Variants in NYAP2 observed in about 807,000 individuals in gnomAD.
NYAP2 encodes neuronal tyrosine-phosphorylated phosphoinositide-3-kinase adapter 2.
NYAP2 carries 23 observed loss-of-function variants against 50.4 expected under a neutral mutation model. The ratio of observed to expected loss-of-function variants is 0.46; its 90% CI spans 0.33 to 0.65. The LOEUF (loss-of-function observed/expected upper bound fraction) is 0.65. Ranked by LOEUF, NYAP2 falls within the 30% of genes least tolerant of loss-of-function variation. The pLI is 0.02. For synonymous variants in NYAP2, 394 were observed against 365.2 expected, an observed-to-expected ratio of 1.08 and a Z score of -0.90; for missense variants, 885 against 861.0, an observed-to-expected ratio of 1.03 and a Z score of -0.35.
At chr2:225,534,121 A>G (rs1237133648) in intron 4 of NYAP2, among the ~76,000 whole-genome samples, 1 of 152,242 alleles carries the variant, frequency 6.6e-6, no homozygotes, top group African/African-American at 2.4e-5. Flanking sequence ...TGGCTAAATC[A>G]ATTTGGAGAT....
intron 4 of NYAP2, among the ~76,000 whole-genome samples, chr2:225,520,848 A>C (rs1345210704): frequency 6.6e-6 from 1 of 152,156 alleles, no homozygotes. Flanking sequence ...TATTGAATCT[A>C]TAAATTACCT....
At chr2:225,472,961 C>T (rs893363513) in intron 3 of NYAP2, among the ~76,000 whole-genome samples, 6 of 152,194 alleles carry the variant, frequency 3.9e-5, no homozygotes, top group Non-Finnish European at 8.8e-5. Context: ...TTCCCCACTC[C>T]GCTTACCCCA....
At chr2:225,492,094 G>T (rs1308661847) in intron 3 of NYAP2, among the ~76,000 whole-genome samples, 1 of 152,124 alleles carries the variant, frequency 6.6e-6, no homozygotes, top group Non-Finnish European at 1.5e-5. Flanking sequence ...AGATCCATGT[G>T]CCCTTTCACA....
chr2:225,544,728 CAG>C (rs1242493886), intron 4 of NYAP2, among the ~76,000 whole-genome samples: 1 of 152,052 alleles, frequency 6.6e-6, no homozygotes, highest in African/African-American at 2.4e-5. Flanking sequence ...ACCACAATTA[CAG>C]AGTTATAATA....
In NYAP2 at chr2:225,515,876, A is replaced by G. The variant is rs547639472; in HGVS notation, c.523+2204A>G. On this transcript the variant is annotated intron_variant, in intron 4 of 6. Transcript: ENST00000636099. ...ATGGGGGGCCTGAATGCAGTCAGGA[A>G]TAATTCAAGAATAAAGGGGAATAAA... Among the ~76,000 whole-genome samples, 11 of 152,320 alleles carry G rather than the reference A, an allele frequency of 7.2e-5. No homozygotes were observed. In the East Asian group the frequency reaches 2.1e-3, roughly 29 times the overall value.
chr2:225,683,296 G>A, the NYAP2 span, among the ~76,000 whole-genome samples: 1 of 152,036 alleles, frequency 6.6e-6, no homozygotes, highest in African/African-American at 2.4e-5. Flanking sequence ...TGAAAGCTTG[G>A]TGCTGAGAGA....
chr2:225,418,532 A>C (rs979388157), intron 3 of NYAP2, among the ~76,000 whole-genome samples: 2 of 152,162 alleles, frequency 1.3e-5, no homozygotes, highest in African/African-American at 4.8e-5. Context: ...GAATTGACAG[A>C]ATTTGGTGAC....
At chr2:225,667,499 G>A in the NYAP2 span, among the ~76,000 whole-genome samples, 4 of 152,090 alleles carry the variant, frequency 2.6e-5, no homozygotes, top group Admixed American at 6.6e-5. Context: ...TAATGCTCTG[G>A]GAGAATTAGG....
chr2:225,477,513 G>A (rs903716234), intron 3 of NYAP2, among the ~76,000 whole-genome samples: 5 of 152,062 alleles, frequency 3.3e-5, no homozygotes, highest in Non-Finnish European at 5.9e-5. Flanking sequence ...TGGGATTACA[G>A]GTGTGAGCCA....
intron 5 of NYAP2, among the ~76,000 whole-genome samples, chr2:225,624,092 T>C (rs894319095): frequency 6.6e-6 from 1 of 152,248 alleles, no homozygotes; most frequent in Non-Finnish European, 1.5e-5. Flanking sequence ...GAGAAAAGTA[T>C]ATAAAGAAAA....
intron 4 of NYAP2, among the ~76,000 whole-genome samples, chr2:225,516,063 G>C (rs534833712): frequency 5.9e-5 from 9 of 152,156 alleles, no homozygotes; most frequent in Non-Finnish European, 1.5e-5. Flanking sequence ...TGGAGGGGGA[G>C]CTGGGCTACT....
At chr2:225,472,173 C>A (rs17410253) in intron 3 of NYAP2, among the ~76,000 whole-genome samples, 49,761 of 152,060 alleles carry the variant, frequency 0.33, 10,075 homozygotes, top group Non-Finnish European at 0.45. Context: ...GAATCTGGCT[C>A]GCACGACTCA....
intron 3 of NYAP2, among the ~76,000 whole-genome samples, chr2:225,444,788 A>G (rs1212231083): frequency 6.6e-6 from 1 of 152,228 alleles, no homozygotes; most frequent in East Asian, 1.9e-4. Context: ...ACTTAGAAAC[A>G]AAAACATTTC....
At position 225,583,049 on chromosome 2, in the gene NYAP2, G is replaced by A. The variant is rs1275136041; in HGVS notation, c.1618+14G>A. The A allele has an allele frequency of 6.2e-7, 1 of 1,602,388 alleles. No individual in the cohort carries two copies. Among genetic ancestry groups the A allele is most frequent in the Non-Finnish European group, 8.5e-7 (1 of 1,174,334 alleles). On this transcript the variant is annotated intron_variant, in intron 5 of 6. Transcript: ENST00000636099. ...AGCCTGCAGAGAGTAAGTGTGCAGG[G>A]CCTGCCTGAGCCCCAGAGCCCAGTG...
At chr2:225,538,378 G>T (rs912304648) in intron 4 of NYAP2, among the ~76,000 whole-genome samples, 1 of 152,190 alleles carries the variant, frequency 6.6e-6, no homozygotes, top group Admixed American at 6.5e-5. Flanking sequence ...AAACTAGGTG[G>T]GGGTTCCCAA....
intron 5 of NYAP2, among the ~76,000 whole-genome samples, chr2:225,586,888 G>C (rs1420719570): frequency 6.6e-6 from 1 of 152,150 alleles, no homozygotes; most frequent in Non-Finnish European, 1.5e-5. Context: ...AACTACTCGA[G>C]ATTGGATGAT....
chr2:225,691,674 A>C, the NYAP2 span, among the ~76,000 whole-genome samples: 921 of 152,256 alleles, frequency 6.0e-3, 7 homozygotes, highest in African/African-American at 0.021. Context: ...TCCTAAAGAC[A>C]GGACAAGCAC....
At chr2:225,410,883 C>T (rs1046875731) in intron 3 of NYAP2, among the ~76,000 whole-genome samples, 5 of 152,114 alleles carry the variant, frequency 3.3e-5, no homozygotes, top group African/African-American at 1.2e-4. Flanking sequence ...GGAGACACAG[C>T]AAAACCCTGT....
intron 3 of NYAP2, among the ~76,000 whole-genome samples, chr2:225,512,835 C>CTTTCTTTCTTTCTTTCTTTCTT (rs1420137730): frequency 1.0e-4 from 6 of 58,816 alleles, no homozygotes; most frequent in African/African-American, 3.1e-4. Flanking sequence ...CTCTCTCTCT[C>CTTTCTTTCTTTCTTTCTTTCTT]TCTTTCTTTC....
Sources: allele counts gnomAD v4.1 joint callset (sites outside exome capture counted in the v4.1 genomes callset), GRCh38; gene constraint gnomAD v4.1.1; transcripts MANE v1.5; gene names NCBI Gene and HGNC (gene_info 2026-07-23, HGNC 2026-07-21).